The following NALCN variants were observed in gnomAD, a reference collection of about 807,000 sequenced individuals.
NALCN encodes the protein sodium leak channel NALCN.
Under a neutral mutation model 225.3 loss-of-function variants are expected in NALCN, and 111 were observed. That is an observed-to-expected ratio of 0.49 (90% CI 0.42 to 0.58). NALCN has a LOEUF of 0.58. Ranked by LOEUF, NALCN falls within the 20% of genes least tolerant of loss-of-function variation. The probability of loss-of-function intolerance (pLI) is 0.00; values close to 1 mark genes in which losing one functional copy is unlikely to be tolerated. For missense variants in NALCN, 1,378 were observed against 2,202.4 expected (o/e 0.63, Z 7.49); for synonymous variants, 764 against 769.0 (o/e 0.99, Z 0.11).
chr13:101,362,888 A>T lies in NALCN; in HGVS notation c.644+13812T>A, dbSNP rs560696411. On this transcript the variant is annotated intron_variant, in intron 6 of 43. Transcript: ENST00000251127. ...TTAGAAATGATAAGCAAACTCAGTA[A>T]ATTGCAGGATACAAAACCAACATAC... Among the ~76,000 whole-genome samples, 3 of 152,280 alleles carry T rather than the reference A, an allele frequency of 2.0e-5. No individual in the cohort carries two copies. The South Asian group carries it at 6.2e-4, about 32-fold the overall frequency.
At chr13:101,263,056 T>C (rs1019229998) in intron 10 of NALCN, among the ~76,000 whole-genome samples, 3 of 152,248 alleles carry the variant, frequency 2.0e-5, no homozygotes, top group South Asian at 4.1e-4. Flanking sequence ...ATTAATTATG[T>C]TGCATATCAG....
chr13:101,111,918 G>T (rs187509026), intron 18 of NALCN, among the ~76,000 whole-genome samples: 113 of 152,282 alleles, frequency 7.4e-4, no homozygotes, highest in Non-Finnish European at 1.3e-3. Context: ...CAATCATGAT[G>T]TCGGTTTTGA....
chr13:101,343,806 C>T (rs1196496900), intron 7 of NALCN, among the ~76,000 whole-genome samples: 2 of 152,160 alleles, frequency 1.3e-5, no homozygotes, highest in Non-Finnish European at 2.9e-5. Context: ...CATTGTAAGT[C>T]AGAGTGAAGA....
At chr13:101,108,451 C>T (rs185250437) in intron 20 of NALCN, among the ~76,000 whole-genome samples, 17 of 152,124 alleles carry the variant, frequency 1.1e-4, no homozygotes, top group East Asian at 1.9e-4. Context: ...CTTAGTGATC[C>T]GATTTTTTAA....
chr13:101,337,552 C>G (rs1489530006), intron 7 of NALCN, among the ~76,000 whole-genome samples: 1 of 152,136 alleles, frequency 6.6e-6, no homozygotes, highest in Non-Finnish European at 1.5e-5. Context: ...AGGTGATCTG[C>G]CTGCCTCAGC....
At chr13:101,128,421 G>A (rs939498958) in intron 17 of NALCN, among the ~76,000 whole-genome samples, 1 of 152,236 alleles carries the variant, frequency 6.6e-6, no homozygotes, top group African/African-American at 2.4e-5. Flanking sequence ...GAATAATTTG[G>A]ACCTGAAAGA....
chr13:101,267,921 G>A (rs528156270), intron 10 of NALCN, among the ~76,000 whole-genome samples: 7 of 152,250 alleles, frequency 4.6e-5, no homozygotes, highest in African/African-American at 1.4e-4. Flanking sequence ...CTGGCATATA[G>A]CTCATCTACA....
intron 18 of NALCN, among the ~76,000 whole-genome samples, chr13:101,114,782 C>T (rs1286768435): frequency 1.3e-5 from 2 of 152,114 alleles, no homozygotes; most frequent in African/African-American, 2.4e-5. Flanking sequence ...ATCACGAATG[C>T]GGTTATTATC....
chr13:101,362,157 T>C (rs1312095087), intron 6 of NALCN, among the ~76,000 whole-genome samples: 1 of 151,924 alleles, frequency 6.6e-6, no homozygotes, highest in East Asian at 1.9e-4. Flanking sequence ...TTAGATGAAG[T>C]CGAATCCCAT....
chr13:101,358,158 C>G (rs1243881758), intron 6 of NALCN, among the ~76,000 whole-genome samples: 2 of 152,004 alleles, frequency 1.3e-5, no homozygotes, highest in African/African-American at 4.8e-5. Flanking sequence ...AAAGCAATGG[C>G]AAGAAAAGCC....
At chr13:101,114,069 T>C (rs1229256791) in intron 18 of NALCN, among the ~76,000 whole-genome samples, 2 of 152,208 alleles carry the variant, frequency 1.3e-5, no homozygotes, top group South Asian at 4.1e-4. Context: ...AAGTGCACCC[T>C]GCAGTGCAGC....
chr13:101,104,518 G>T lies in NALCN; in HGVS notation c.2757+12C>A, dbSNP rs749467959. On this transcript the variant is annotated intron_variant, in intron 24 of 43. Coordinates refer to ENST00000251127, the MANE Select transcript of NALCN (RefSeq NM_052867.4). This position sits in a 1 kb window ranked among gnomAD's most constrained non-coding sequence, Gnocchi z 4.2. The stretch of plus-strand genomic sequence containing the variant: ...TAGTTGTAAGCTGAGATTTTGCAGC[G>T]GTAAGCGGTACCTGCAAAGTAGGTG... The T allele has an allele frequency of 1.2e-6, 2 of 1,613,838 alleles. No homozygotes were observed. The highest frequency in any genetic ancestry group is 1.7e-5 in the Admixed American group (1 of 59,994).
intron 6 of NALCN, among the ~76,000 whole-genome samples, chr13:101,367,810 T>C (rs544429760): frequency 2.0e-5 from 3 of 152,186 alleles, no homozygotes; most frequent in Admixed American, 6.5e-5. Context: ...ATTTTAGGTT[T>C]CAGCTTCTTT....
intron 15 of NALCN, among the ~76,000 whole-genome samples, chr13:101,150,727 T>A (rs967041450): frequency 6.6e-6 from 1 of 151,648 alleles, no homozygotes; most frequent in Admixed American, 6.6e-5. Flanking sequence ...TTGATGCAAA[T>A]GAATGAATAA....
chr13:101,342,459 C>T (rs1338046), intron 7 of NALCN, among the ~76,000 whole-genome samples: 2,139 of 152,304 alleles, frequency 0.014, 39 homozygotes, highest in African/African-American at 0.046. Context: ...GAAATGAGGG[C>T]CTCTGCCTTG....
At chr13:101,312,722 G>A (rs1439043200) in intron 7 of NALCN, among the ~76,000 whole-genome samples, 4 of 152,160 alleles carry the variant, frequency 2.6e-5, no homozygotes, top group Non-Finnish European at 4.4e-5. Flanking sequence ...TGTGGTCTGA[G>A]AGACAGTTTG....
At chr13:101,291,783 C>G in intron 9 of NALCN, among the ~76,000 whole-genome samples, 1 of 152,080 alleles carries the variant, frequency 6.6e-6, no homozygotes, top group East Asian at 1.9e-4. Flanking sequence ...CTCCTGGGCT[C>G]AAGCAATCCC....
chr13:101,248,807 T>C (rs1008568452), intron 11 of NALCN, among the ~76,000 whole-genome samples: 21 of 152,180 alleles, frequency 1.4e-4, no homozygotes, highest in African/African-American at 5.1e-4. Context: ...AAAAATGTAA[T>C]CAGAAGTATA....
At chr13:101,307,231 G>A (rs1048494581) in intron 7 of NALCN, among the ~76,000 whole-genome samples, 1 of 152,100 alleles carries the variant, frequency 6.6e-6, no homozygotes, top group Non-Finnish European at 1.5e-5. Context: ...GGTGGTCTGG[G>A]CCCCATTAGA....
Sources: gnomAD v4.1 joint callset for allele counts (sites outside exome capture counted in the v4.1 genomes callset) on GRCh38, gnomAD v4.1.1 for gene constraint, Gnocchi (gnomAD v3.1) non-coding constraint, MANE v1.5 for transcripts, NCBI Gene and HGNC (gene_info 2026-07-23, HGNC 2026-07-21) for gene names.